The following SDR16C5 variants were observed in gnomAD, a reference collection of about 807,000 sequenced individuals.
SDR16C5 encodes the protein epidermal retinol dehydrogenase 2.
SDR16C5 carries 20 observed loss-of-function variants against 27.7 expected under a neutral mutation model. The ratio of observed to expected loss-of-function variants is 0.72; its 90% CI spans 0.51 to 1.05. The LOEUF (loss-of-function observed/expected upper bound fraction) is 1.05, where lower values mean the gene tolerates loss of function less well. SDR16C5 is among the 50% of genes least tolerant of loss of function. SDR16C5 has a pLI of 0.00. For synonymous variants in SDR16C5, 139 were observed against 132.3 expected (o/e 1.05, Z -0.35); for missense variants, 374 against 366.3 (o/e 1.02, Z -0.17).
At chr8:56,307,145 T>C (rs1814907513) in intron 4 of SDR16C5, among the ~76,000 whole-genome samples, 1 of 152,166 alleles carries the variant, frequency 6.6e-6, no homozygotes, top group Non-Finnish European at 1.5e-5. Context: ...TGGTGCCTTG[T>C]CTCAAAAAAT....
At chr8:56,317,539 C>G (rs746817360) in intron 1 of SDR16C5, among the ~76,000 whole-genome samples, 2 of 152,144 alleles carry the variant, frequency 1.3e-5, no homozygotes, top group Non-Finnish European at 2.9e-5. Context: ...AATTGAGAGG[C>G]TCAGACAAAG....
At chr8:56,312,387 C>T in intron 2 of SDR16C5, 99 bp from the exon 3 acceptor site, 1 of 1,119,834 alleles carries the variant, frequency 8.9e-7, no homozygotes, top group Non-Finnish European at 1.3e-6. Context: ...CTGGTTAATT[C>T]ATACTGAGTT....
Position 56,301,359 on chromosome 8 carries a change from A to G in SDR16C5, c.*121T>C. Reference sequence around the variant, plus strand: ...TTGAAAATTCTAGTCCAGATAACAGAATAGGAGTGGTACTTGTGGTCTCCA... The same window carrying G: ...TTGAAAATTCTAGTCCAGATAACAGGATAGGAGTGGTACTTGTGGTCTCCA... On this transcript the variant is annotated 3_prime_UTR_variant, in exon 7 of 7. Transcript: ENST00000303749. The G allele has an allele frequency of 2.9e-6, 2 of 678,950 alleles. No homozygotes were observed. The highest frequency in any genetic ancestry group is 5.4e-6 in the Non-Finnish European group (2 of 372,216). 42.1% of individuals were successfully genotyped at this position (678,950 alleles called of 1,614,324 possible). A position where few individuals can be genotyped will look rare whatever the true frequency, so the allele number is the denominator to read the frequency against.
At chr8:56,310,370 A>AAGAGAG (rs58235787) in intron 3 of SDR16C5, among the ~76,000 whole-genome samples, 28,641 of 75,758 alleles carry the variant, frequency 0.38, 8,772 homozygotes, top group Middle Eastern at 0.5. Context: ...AAAAGAAGAA[A>AAGAGAG]AGAGAGAGAC....
At chr8:56,314,335 C>T (rs1321602007) in intron 2 of SDR16C5, among the ~76,000 whole-genome samples, 1 of 152,158 alleles carries the variant, frequency 6.6e-6, no homozygotes, top group Non-Finnish European at 1.5e-5. Flanking sequence ...CCTCAAGACC[C>T]CACAGTGATA....
At position 56,301,244 on chromosome 8, in the gene SDR16C5, G is replaced by C; in HGVS notation, c.*236C>G. The C allele has an allele frequency of 2.4e-6, 1 of 409,802 alleles. No homozygotes were observed. Among genetic ancestry groups the C allele is most frequent in the Non-Finnish European group, 4.4e-6 (1 of 225,198 alleles). 25.4% of individuals were successfully genotyped at this position (409,802 alleles called of 1,614,324 possible). ...TGTGGTAATGGAAATGACAAAAATG[G>C]GCTGTCTTTATTTTTGGAAAAAAAA... is the stretch of plus-strand genomic sequence containing the variant. On this transcript the variant is annotated 3_prime_UTR_variant, in exon 7 of 7. Transcript: ENST00000303749.
intron 4 of SDR16C5, among the ~76,000 whole-genome samples, 173 bp from the exon 5 acceptor site, chr8:56,306,993 T>C (rs1814902972): frequency 5.9e-5 from 9 of 152,174 alleles, no homozygotes; most frequent in Admixed American, 5.2e-4. Context: ...GGAAGGGACA[T>C]GGTTAACTGA....
chr8:56,305,566 T>C, intron 6 of SDR16C5, 31 bp downstream of exon 6: 1 of 1,545,246 alleles, frequency 6.5e-7, no homozygotes, highest in Non-Finnish European at 8.7e-7. Flanking sequence ...GACTGGCATG[T>C]TAGGGAAGTA....
chr8:56,319,428 AACAAG>A (rs1815277599), intron 1 of SDR16C5, among the ~76,000 whole-genome samples: 2 of 152,272 alleles, frequency 1.3e-5, no homozygotes, highest in Non-Finnish European at 2.9e-5. Flanking sequence ...TATACTTACA[AACAAG>A]AGTGAATGTA....
At chr8:56,308,705 T>C (rs1348099251) in intron 4 of SDR16C5, among the ~76,000 whole-genome samples, 1 of 152,048 alleles carries the variant, frequency 6.6e-6, no homozygotes, top group African/African-American at 2.4e-5. Context: ...CACAGGGTAC[T>C]GCATAAGACC....
Position 56,305,686 on chromosome 8 carries a change from A to T in SDR16C5, c.747T>A (p.Tyr249Ter). 1 of 1,602,994 alleles carries T rather than the reference A, an allele frequency of 6.2e-7. No homozygotes were observed. The highest frequency in any genetic ancestry group is 8.5e-7 in the Non-Finnish European group (1 of 1,177,090). The change falls in exon 6 of 7, where the codon TAT (tyrosine) becomes TAA (stop). Residue 249 changes from tyrosine to a stop codon, truncating the protein, a stop_gained. Coordinates refer to ENST00000303749, the MANE Select transcript of SDR16C5 (RefSeq NM_138969.4). LOFTEE classifies it high-confidence loss of function. ...TAGCTTCTACTATTTTTTCAACTGC[A>T]TATTTTGGTTCCAGAATTGGCAACA... is the stretch of plus-strand genomic sequence containing the variant. ...PSLLPILEPK[Y>*]AVEKIVEAIL...
At chr8:56,314,252 G>A (rs1229298695) in intron 2 of SDR16C5, among the ~76,000 whole-genome samples, 1 of 151,962 alleles carries the variant, frequency 6.6e-6, no homozygotes, top group Non-Finnish European at 1.5e-5. Flanking sequence ...AGAATAAAAA[G>A]TGGAAATGGT....
In SDR16C5 at chr8:56,316,051, G is replaced by A. The variant is rs756871007; in HGVS notation, c.297C>T (p.Cys99=). 7 of 1,613,904 alleles carry A rather than the reference G, an allele frequency of 4.3e-6. No homozygotes were observed. The Admixed American group carries it at 5.0e-5, about 12-fold the overall frequency. The stretch of plus-strand genomic sequence containing the variant: ...CTCTATACACTCCTTCCTTTTGGCT[G>A]CAATCGCAGGTATAGGCGTGCACTC... ...ATRVHAYTCD[C]SQKEGVYRVA... Residue 99 remains cysteine (C), a synonymous_variant, in exon 2 of 7, where the codon TGC becomes TGT. Transcript: ENST00000303749.
At chr8:56,318,553 C>G (rs1379591137) in intron 1 of SDR16C5, among the ~76,000 whole-genome samples, 1 of 152,200 alleles carries the variant, frequency 6.6e-6, no homozygotes, top group African/African-American at 2.4e-5. Context: ...AGTAGTTGGT[C>G]AGACCACCAC....
intron 6 of SDR16C5, among the ~76,000 whole-genome samples, chr8:56,302,811 T>C (rs547942649): frequency 6.7e-6 from 1 of 150,098 alleles, no homozygotes; most frequent in Non-Finnish European, 1.5e-5. Context: ...CAAGACCCCA[T>C]CTCTAAAAAA....
chr8:56,301,395 A>G lies in SDR16C5; in HGVS notation c.*85T>C, dbSNP rs995969915. On this transcript the variant is annotated 3_prime_UTR_variant, in exon 7 of 7. Transcript: ENST00000303749. ...TACTTGTGGTCTCCAGATATATTCC[A>G]CTGTCAGACAAAAATACTTTTCTTC... The G allele has an allele frequency of 1.7e-5, 15 of 900,972 alleles. No homozygotes were observed. Among genetic ancestry groups the G allele is most frequent in the East Asian group, 7.2e-5 (3 of 41,412 alleles). 55.8% of individuals were successfully genotyped at this position (900,972 alleles called of 1,614,324 possible).
rs1814896936 is a variant in SDR16C5 at position 56,306,768 on chromosome 8, T to C, written c.618A>G (p.Val206=). 7 of 1,613,450 alleles carry C rather than the reference T, an allele frequency of 4.3e-6. No homozygotes were observed. In the South Asian group the frequency reaches 4.4e-5, roughly 10 times the overall value. ...CCTTTTGTTTTTGGACAAATGTTTC[T>C]ACAAATACAGATTCAGCAAACCCAA... ...AAFGFAESVF[V]ETFVQKQKGI... is the part of the protein sequence containing the mutation. Residue 206 remains valine (V), a synonymous_variant, in exon 5 of 7, where the codon GTA becomes GTG. Coordinates refer to ENST00000303749, the MANE Select transcript of SDR16C5 (RefSeq NM_138969.4).
chr8:56,305,509 G>T, intron 6 of SDR16C5, 88 bp downstream of exon 6: 2 of 1,122,154 alleles, frequency 1.8e-6, no homozygotes, highest in Non-Finnish European at 2.5e-6. Flanking sequence ...TAATTTATCA[G>T]GTATTTTTAA....
chr8:56,318,401 A>G (rs541618086), intron 1 of SDR16C5, among the ~76,000 whole-genome samples: 5 of 152,218 alleles, frequency 3.3e-5, no homozygotes, highest in Admixed American at 1.3e-4. Flanking sequence ...CTGAAAGAGG[A>G]CTCTCATATC....
Sources: gnomAD v4.1 joint callset for allele counts (sites outside exome capture counted in the v4.1 genomes callset) on GRCh38, gnomAD v4.1.1 for gene constraint, MANE v1.5 for transcripts, NCBI Gene and HGNC (gene_info 2026-07-23, HGNC 2026-07-21) for gene names.